IGSF9: variants seen among roughly 807,000 people sequenced by gnomAD.
IGSF9 encodes the protein protein turtle homolog A.
In IGSF9, 87 loss-of-function variants were observed where a neutral mutation model predicts 121.7. The observed-to-expected ratio is 0.71, with a 90% CI of 0.60 to 0.85. The LOEUF (loss-of-function observed/expected upper bound fraction) is 0.85, where lower values mean the gene tolerates loss of function less well. IGSF9 is among the 40% of genes least tolerant of loss of function. The pLI is 0.00. For synonymous variants in IGSF9, 640 were observed against 648.4 expected (o/e 0.99, Z 0.20); for missense variants, 1,462 against 1,565.3 (o/e 0.93, Z 1.11).
In IGSF9 at chr1:159,934,254, C is replaced by A. The variant is rs371131897; in HGVS notation, c.1040G>T (p.Arg347Leu). The A allele has an allele frequency of 9.9e-6, 16 of 1,613,810 alleles. No homozygotes were observed. Among genetic ancestry groups the A allele is most frequent in the Non-Finnish European group, 1.3e-5 (15 of 1,179,956 alleles). ...GACAAAGAGCAGTGGGGGGTTGGCA[C>A]GAACCGGGCAGCGGATCACCCCCGG... ...GMPGVIRCPV[R>L]ANPPLLFVSW... Residue 347 changes from arginine (R) to leucine (L), a missense_variant, in exon 9 of 21, where the codon CGT becomes CTT. Arg to Leu is a moderately radical substitution (Grantham distance 102). Transcript: ENST00000368094.
rs763706005 is a variant in IGSF9, at chr1:159,928,349, GAGA to G, written c.3036_3038del (p.Leu1013del). 2 of 1,609,778 alleles carry G rather than the reference GAGA, an allele frequency of 1.2e-6. No individual in the cohort carries two copies. Among genetic ancestry groups the G allele is most frequent in the Admixed American group, 3.4e-5 (2 of 59,570 alleles). ...TGAGGCTGCCTCGAGGGGCAGCAGG[GAGA>G]AGGCCTGGCAGCAGCCGCTCCCTCA... On this transcript the variant is annotated inframe_deletion, in exon 19 of 21. Transcript: ENST00000368094.
chr1:159,929,558 G>T, intron 17 of IGSF9, 80 bp downstream of exon 17: 1 of 1,504,530 alleles, frequency 6.6e-7, no homozygotes, highest in Non-Finnish European at 9.0e-7. Flanking sequence ...CAGGAGCGAG[G>T]GCTTTTCCCC....
At position 159,930,753 on chromosome 1, in the gene IGSF9, C is replaced by A; in HGVS notation, c.1752G>T (p.Val584=). ...LQPHTQYQFS[V]LAQNKLGSGP... ...CACTCCCCAGCTTGTTCTGAGCTAGCACGCTGAACTGGTACTGGGTGTGGG... is the reference window on the plus strand; with the variant it reads ...CACTCCCCAGCTTGTTCTGAGCTAGAACGCTGAACTGGTACTGGGTGTGGG... Residue 584 remains valine (V), a synonymous_variant, in exon 14 of 21, where the codon GTG becomes GTT. Coordinates refer to ENST00000368094, the MANE Select transcript of IGSF9 (RefSeq NM_001135050.2). 1 of 1,614,134 alleles carries A rather than the reference C, an allele frequency of 6.2e-7. No individual in the cohort carries two copies. The highest frequency in any genetic ancestry group is 1.3e-5 in the African/African-American group (1 of 75,052).
At chr1:159,940,435 C>T (rs1042661239) in intron 3 of IGSF9, among the ~76,000 whole-genome samples, 6 of 152,216 alleles carry the variant, frequency 3.9e-5, no homozygotes, top group African/African-American at 1.4e-4. Flanking sequence ...GGGCCCACCT[C>T]CTGGAGGCCT....
chr1:159,929,006 G>A lies in IGSF9; in HGVS notation c.2382C>T (p.Gly794=), dbSNP rs747245503. Residue 794 remains glycine (G), a synonymous_variant, in exon 19 of 21, where the codon GGC becomes GGT. Coordinates refer to ENST00000368094, the MANE Select transcript of IGSF9 (RefSeq NM_001135050.2). ...TCGCCACGCTGTCAGGACTGCCTGAGCCCAGAGCAGAGCTGGGGAAGGACA... is the reference window on the plus strand; with the variant it reads ...TCGCCACGCTGTCAGGACTGCCTGAACCCAGAGCAGAGCTGGGGAAGGACA... ...TGKSAAPSAL[G]SGSPDSVAKL... The A allele has an allele frequency of 6.6e-6, 10 of 1,518,372 alleles. No individual in the cohort carries two copies. The highest frequency in any genetic ancestry group is 8.8e-6 in the Non-Finnish European group (10 of 1,135,130). 94.1% of individuals were successfully genotyped at this position (1,518,372 alleles called of 1,614,324 possible). A position where few individuals can be genotyped will look rare whatever the true frequency, so the allele number is the denominator to read the frequency against.
At position 159,943,506 on chromosome 1, in the gene IGSF9, G is replaced by C; in HGVS notation, c.-52C>G. On this transcript the variant is annotated 5_prime_UTR_variant, in exon 2 of 21. Coordinates refer to ENST00000368094, the MANE Select transcript of IGSF9 (RefSeq NM_001135050.2). ...CCTCCTATCCACAGGAGCCCAGATG[G>C]AGGGGCCAAGGGATGTCCTTCTGAT... 3 of 1,478,580 alleles carry C rather than the reference G, an allele frequency of 2.0e-6. No homozygotes were observed. Among genetic ancestry groups the C allele is most frequent in the Non-Finnish European group, 2.7e-6 (3 of 1,107,462 alleles). 91.6% of individuals were successfully genotyped at this position (1,478,580 alleles called of 1,614,324 possible).
In IGSF9 at chr1:159,928,614, T is replaced by C. The variant is rs1571209760; in HGVS notation, c.2774A>G (p.Gln925Arg). ...TCGGAAGAAGGGCAGGCTCAGGTAC[T>C]GGAGCAGGGGTCCAGGACCTGGCAA... Reference protein sequence around the residue: ...SPLPGPGPLLQYLSLPFFREM... With the variant: ...SPLPGPGPLLRYLSLPFFREM... Residue 925 changes from glutamine (Q) to arginine (R), a missense_variant, in exon 19 of 21, where the codon CAG becomes CGG. By Grantham distance (43) the Gln-to-Arg change is conservative. This residue lies in a region of IGSF9 where 808 missense variants were observed against 815.2 expected (regional missense o/e 0.99). Transcript: ENST00000368094. 3.3e-6 allele frequency: 5 copies of C among 1,496,450 alleles called. No individual in the cohort carries two copies. The highest frequency in any genetic ancestry group is 4.5e-6 in the Non-Finnish European group (5 of 1,121,254). 92.7% of individuals were successfully genotyped at this position (1,496,450 alleles called of 1,614,324 possible).
At position 159,928,361 on chromosome 1, in the gene IGSF9, C is replaced by A; in HGVS notation, c.3027G>T (p.Leu1009=). The A allele has an allele frequency of 6.2e-7, 1 of 1,609,012 alleles. No homozygotes were observed. The highest frequency in any genetic ancestry group is 8.5e-7 in the Non-Finnish European group (1 of 1,177,914). Residue 1009 remains leucine, a synonymous_variant, in exon 19 of 21, where the codon CTG becomes CTT. Coordinates refer to ENST00000368094, the MANE Select transcript of IGSF9 (RefSeq NM_001135050.2). ...GAGGGGCAGCAGGGAGAAGGCCTGG[C>A]AGCAGCCGCTCCCTCAGTGTCCAGT... ...LADWTLRERL[L]PGLLPAAPRG...
Position 159,931,091 on chromosome 1 carries a change from A to G in IGSF9, c.1637+47T>C, listed in dbSNP as rs1650979910. The stretch of plus-strand genomic sequence containing the variant: ...CCAGATAGGTTCAAGGAGGAGAGGA[A>G]AGGAGGCAAGATTGGCACAGAGAAA... On this transcript the variant is annotated intron_variant, in intron 13 of 20. Transcript: ENST00000368094. The surrounding 1 kb of genome is among the most constrained non-coding windows in gnomAD (Gnocchi z 4.8). 2 of 1,613,458 alleles carry G rather than the reference A, an allele frequency of 1.2e-6. No homozygotes were observed. Among genetic ancestry groups the G allele is most frequent in the Admixed American group, 3.3e-5 (2 of 59,964 alleles).
chr1:159,930,664 T>C, intron 14 of IGSF9, 28 bp downstream of exon 14: 1 of 1,613,336 alleles, frequency 6.2e-7, no homozygotes, highest in South Asian at 1.1e-5. Context: ...TCCTTGTCTC[T>C]GCTGTTCTGG....
At chr1:159,935,569 C>T (rs1294278845) in intron 6 of IGSF9, among the ~76,000 whole-genome samples, 1 of 152,234 alleles carries the variant, frequency 6.6e-6, no homozygotes, top group African/African-American at 2.4e-5. Context: ...TTCCACTACT[C>T]CTTCCCCTCT....
At chr1:159,934,897 T>C (rs953017272) in intron 6 of IGSF9, 75 bp from the exon 7 acceptor site, 530 of 1,546,730 alleles carry the variant, frequency 3.4e-4, no homozygotes, top group Non-Finnish European at 2.9e-4. Flanking sequence ...CCTCTACAAC[T>C]CTTCCCAGCT....
chr1:159,942,160 C>G (rs16842854), intron 3 of IGSF9, among the ~76,000 whole-genome samples: 14,241 of 152,306 alleles, frequency 0.094, 1,236 homozygotes, highest in African/African-American at 0.23. Context: ...AGACTGCCCT[C>G]TGAGACCTGG....
In IGSF9 at chr1:159,930,305, G is replaced by T; in HGVS notation, c.1948C>A (p.Pro650Thr). 1 of 1,613,840 alleles carries T rather than the reference G, an allele frequency of 6.2e-7. No homozygotes were observed. Among genetic ancestry groups the T allele is most frequent in the South Asian group, 1.1e-5 (1 of 91,062 alleles). ...AAGACGTAGCCATCCAGTCTCTTAGGGACCAGCTCTGGGGGATCCCAATGC... is the reference window on the plus strand; with the variant it reads ...AAGACGTAGCCATCCAGTCTCTTAGTGACCAGCTCTGGGGGATCCCAATGC... ...LLHWDPPELVPKRLDGYVLEG... is the reference protein window; with the variant it reads ...LLHWDPPELVTKRLDGYVLEG... Residue 650 changes from proline to threonine, a missense_variant, in exon 15 of 21, where the codon CCT becomes ACT. This residue lies in a region of IGSF9 where 808 missense variants were observed against 815.2 expected (regional missense o/e 0.99). Transcript: ENST00000368094.
chr1:159,943,546 G>C lies in IGSF9; in HGVS notation c.-92C>G. The C allele has an allele frequency of 8.0e-7, 1 of 1,255,210 alleles. No homozygotes were observed. Among genetic ancestry groups the C allele is most frequent in the Non-Finnish European group, 1.1e-6 (1 of 930,522 alleles). The allele number at this position is 1,255,210 out of a possible 1,614,324, so 77.8% of individuals were successfully genotyped here. The stretch of plus-strand genomic sequence containing the variant: ...GTCCTTCTGATCAGCTCAGGGAACA[G>C]GTTTCAGCTCTCACTCTTCTGTACA... On this transcript the variant is annotated 5_prime_UTR_variant, in exon 2 of 21. Transcript: ENST00000368094.
rs1651095967 is a variant in IGSF9 at position 159,934,061 on chromosome 1, CA to C, written c.1104+128del. The C allele has an allele frequency of 3.5e-6, 4 of 1,142,100 alleles. No individual in the cohort carries two copies. The Admixed American group carries it at 9.5e-5, about 27-fold the overall frequency. The allele number at this position is 1,142,100 out of a possible 1,614,324, so 70.7% of individuals were successfully genotyped here. On this transcript the variant is annotated intron_variant, in intron 9 of 20. Transcript: ENST00000368094. ...TTCCTATGCAACATGTCTTATAACA[CA>C]AATTAAATTCACAAAAGATGTGTGT... is the stretch of plus-strand genomic sequence containing the variant.
chr1:159,934,659 T>C (rs1285166180), intron 7 of IGSF9, 22 bp downstream of exon 7: 1 of 1,614,042 alleles, frequency 6.2e-7, no homozygotes, highest in Non-Finnish European at 8.5e-7. Context: ...CACCTCCACC[T>C]TCCTAATGAG....
At position 159,932,214 on chromosome 1, in the gene IGSF9, T is replaced by G; in HGVS notation, c.1246-286A>C. ...GAGATGTACAAACCTCTGCAGAACA[T>G]TCTTCCTCCCAGAGCCCCAGAGAGG... On this transcript the variant is annotated intron_variant, in intron 10 of 20. Transcript: ENST00000368094. This position sits in a 1 kb window ranked among gnomAD's most constrained non-coding sequence, Gnocchi z 4.1. 1.7e-6 allele frequency: 1 copy of G among 571,788 alleles called. No individual in the cohort carries two copies. Among genetic ancestry groups the G allele is most frequent in the Non-Finnish European group, 3.1e-6 (1 of 322,102 alleles). 35.4% of individuals were successfully genotyped at this position (571,788 alleles called of 1,614,324 possible).
chr1:159,934,542 C>T lies in IGSF9; in HGVS notation c.844G>A (p.Val282Met). The change falls in exon 8 of 21, where the codon GTG (valine) becomes ATG (methionine). Residue 282 changes from valine to methionine, a missense_variant. Physicochemically the swap from Val to Met is conservative, Grantham distance 21. Around this residue, in one of 3 missense-constraint regions of IGSF9, gnomAD observed 558 missense variants for 599.4 expected, o/e 0.93. Transcript: ENST00000368094. ...SRLQPRVRIL[V>M]DGSLRLLATQ... The stretch of plus-strand genomic sequence containing the variant: ...GCCAGCAGCCGCAGGCTCCCGTCCA[C>T]CAGGATCCGCACCCGGGGCTGCAGG... 6.2e-7 allele frequency: 1 copy of T among 1,613,954 alleles called. No individual in the cohort carries two copies. The highest frequency in any genetic ancestry group is 8.5e-7 in the Non-Finnish European group (1 of 1,179,916).
Sources: allele counts gnomAD v4.1 joint callset (sites outside exome capture counted in the v4.1 genomes callset), GRCh38; gene constraint gnomAD v4.1.1; regional missense constraint gnomAD v4.1.1; non-coding constraint Gnocchi (gnomAD v3.1); transcripts MANE v1.5; gene names NCBI Gene and HGNC (gene_info 2026-07-23, HGNC 2026-07-21).